The following MUC17 variants were observed in gnomAD, a reference collection of about 807,000 sequenced individuals.
The protein encoded by MUC17 is mucin 17, cell surface associated.
A neutral mutation model predicts 170.3 loss-of-function variants in MUC17; 190 were observed. The ratio of observed to expected loss-of-function variants is 1.12; its 90% CI spans 0.99 to 1.26. MUC17 has a LOEUF of 1.26. Among genes scored for constraint, MUC17 ranks in the 50% most tolerant of loss-of-function variants. The probability of loss-of-function intolerance (pLI) is 0.00; values close to 1 mark genes in which losing one functional copy is unlikely to be tolerated. For synonymous variants in MUC17, 2,325 were observed against 2,002.5 expected (o/e 1.16, Z -4.30); for missense variants, 6,415 against 5,530.0 (o/e 1.16, Z -5.08).
At chr7:101,052,063 G>A in intron 9 of MUC17, 101 bp downstream of exon 9, 1 of 1,390,236 alleles carries the variant, frequency 7.2e-7, no homozygotes, top group Non-Finnish European at 9.8e-7. Flanking sequence ...CAAGGTCATG[G>A]GACTAGGTCC....
intron 12 of MUC17, among the ~76,000 whole-genome samples, chr7:101,057,752 C>T (rs1795072915): frequency 6.6e-6 from 1 of 152,034 alleles, no homozygotes; most frequent in Non-Finnish European, 1.5e-5. Context: ...TGGTTGTGTG[C>T]ACATGTAGTC....
chr7:101,024,309 A>T (rs1005479980), intron 1 of MUC17, among the ~76,000 whole-genome samples: 4 of 151,974 alleles, frequency 2.6e-5, no homozygotes, highest in Non-Finnish European at 5.9e-5. Flanking sequence ...CTGAGACACG[A>T]CAATCACTTG....
chr7:101,027,427 C>T (rs1289468034), intron 1 of MUC17, among the ~76,000 whole-genome samples: 1 of 152,108 alleles, frequency 6.6e-6, no homozygotes, highest in African/African-American at 2.4e-5. Flanking sequence ...ACCACCATGC[C>T]TGGCCAATCT....
chr7:101,023,866 C>T (rs2116387621), intron 1 of MUC17, among the ~76,000 whole-genome samples: 1 of 152,272 alleles, frequency 6.6e-6, no homozygotes, highest in South Asian at 2.1e-4. Context: ...TCCCTTTTTA[C>T]CACATCCATG....
chr7:101,049,150 G>A (rs1193484767), intron 5 of MUC17, among the ~76,000 whole-genome samples, 174 bp from the exon 6 acceptor site: 1 of 152,156 alleles, frequency 6.6e-6, no homozygotes, highest in Non-Finnish European at 1.5e-5. Flanking sequence ...TTTTACCTGG[G>A]GGCTGCAGGA....
rs142483375 is a variant in MUC17 at position 101,039,409 on chromosome 7, A to G, written c.7993A>G (p.Thr2665Ala). ...TTPVDTRTLV[T>A]TSTGTSSSPT... is the part of the protein sequence containing the mutation. ...TCCTGTTGACACCAGGACACTTGTG[A>G]CCACTTCCACTGGAACCAGTTCATC... The change falls in exon 3 of 13, where the codon ACC becomes GCC. Residue 2665 changes from threonine to alanine, a missense_variant. Thr to Ala is a moderately conservative substitution (Grantham distance 58). Transcript: ENST00000306151. 5.6e-6 allele frequency: 9 copies of G among 1,611,750 alleles called. No homozygotes were observed. The highest frequency in any genetic ancestry group is 7.6e-6 in the Non-Finnish European group (9 of 1,179,264).
Position 101,039,763 on chromosome 7 carries a change from A to T in MUC17, c.8347A>T (p.Thr2783Ser). The T allele has an allele frequency of 6.2e-7, 1 of 1,610,124 alleles. No individual in the cohort carries two copies. Among genetic ancestry groups the T allele is most frequent in the Non-Finnish European group, 8.5e-7 (1 of 1,177,732 alleles). Residue 2783 changes from threonine to serine, a missense_variant, in exon 3 of 13, where the codon ACC becomes TCC. Transcript: ENST00000306151. ...TGCTGTTGACACCAGCATACCTGTC[A>T]CCACTTCTACTGAAGCCAGTTCCTC... ...TTAVDTSIPV[T>S]TSTEASSSPT...
In MUC17 at chr7:101,040,007, C is replaced by T. The variant is rs1314581149; in HGVS notation, c.8591C>T (p.Ala2864Val). The change falls in exon 3 of 13, where the codon GCT (alanine) becomes GTT (valine). Residue 2864 changes from alanine to valine, a missense_variant. Ala to Val is a moderately conservative substitution (Grantham distance 64). Transcript: ENST00000306151. ...AEGIVVPIST[A>V]SEGSTLLTSI... is the part of the protein sequence containing the mutation. ...GGTATCGTCGTGCCAATCTCAACTG[C>T]TAGTGAAGGAAGTACTCTATTAACA... 2 of 1,613,264 alleles carry T rather than the reference C, an allele frequency of 1.2e-6. No individual in the cohort carries two copies. Among genetic ancestry groups the T allele is most frequent in the Non-Finnish European group, 8.5e-7 (1 of 1,179,804 alleles).
intron 1 of MUC17, among the ~76,000 whole-genome samples, chr7:101,022,027 T>C (rs912132102): frequency 6.6e-6 from 1 of 152,156 alleles, no homozygotes; most frequent in Non-Finnish European, 1.5e-5. Context: ...ACACCCAGCA[T>C]GAGGGCCACC....
intron 7 of MUC17, among the ~76,000 whole-genome samples, chr7:101,051,153 G>A (rs530596585): frequency 1.3e-5 from 2 of 151,950 alleles, no homozygotes; most frequent in Non-Finnish European, 2.9e-5. Context: ...ATCACTTGAG[G>A]CCAGGAGTTC....
In MUC17 at chr7:101,037,503, A is replaced by C. The variant is rs773071492; in HGVS notation, c.6087A>C (p.Ala2029=). Reference sequence around the variant, plus strand: ...AAGGCAGTTCATCTCCTACAACTGCAGGAGGTACCAGCATACAAACCTCAA... The same window carrying C: ...AAGGCAGTTCATCTCCTACAACTGCCGGAGGTACCAGCATACAAACCTCAA... ...STEGSSSPTT[A]GGTSIQTSTP... is the part of the protein sequence containing the mutation. The change falls in exon 3 of 13, where the codon GCA becomes GCC. Residue 2029 remains alanine (A), a synonymous_variant. Coordinates refer to ENST00000306151, the MANE Select transcript of MUC17 (RefSeq NM_001040105.2). 1.1e-5 allele frequency: 17 copies of C among 1,612,240 alleles called. No individual in the cohort carries two copies. In the South Asian group the frequency reaches 1.8e-4, roughly 17 times the overall value.
rs572878912 is a variant in MUC17, at chr7:101,040,964, C to A, written c.9548C>A (p.Thr3183Asn). The change falls in exon 3 of 13, where the codon ACC becomes AAC. Residue 3183 changes from threonine (T) to asparagine (N), a missense_variant. Coordinates refer to ENST00000306151, the MANE Select transcript of MUC17 (RefSeq NM_001040105.2). ...TMLVVSSEDS[T>N]LSATPVDTST... is the part of the protein sequence containing the mutation. ...CTGGTAGTCAGTTCTGAGGATAGCACCCTTTCAGCAACTCCTGTTGACACC... is the reference window on the plus strand; with the variant it reads ...CTGGTAGTCAGTTCTGAGGATAGCAACCTTTCAGCAACTCCTGTTGACACC... The A allele has an allele frequency of 1.9e-6, 3 of 1,613,164 alleles. No individual in the cohort carries two copies. Among genetic ancestry groups the A allele is most frequent in the African/African-American group, 1.3e-5 (1 of 74,688 alleles).
At chr7:101,044,793 AC>A (rs1210667118) in intron 3 of MUC17, among the ~76,000 whole-genome samples, 1 of 151,948 alleles carries the variant, frequency 6.6e-6, no homozygotes, top group East Asian at 1.9e-4. Context: ...TAAAGTACGA[AC>A]TTTTTTTTTG....
chr7:101,033,321 T>G lies in MUC17; in HGVS notation c.1905T>G (p.Ser635=), dbSNP rs1004194044. 11 of 1,613,880 alleles carry G rather than the reference T, an allele frequency of 6.8e-6. No individual in the cohort carries two copies. The highest frequency in any genetic ancestry group is 9.3e-6 in the Non-Finnish European group (11 of 1,179,790). Residue 635 remains serine (S), a synonymous_variant, in exon 3 of 13, where the codon TCT becomes TCG. Transcript: ENST00000306151. ...GAGGCACTACAATAACAAGTATGTC[T>G]GTCAGCACCACACTGGTGGCCAGTT... ...SERGTTITSM[S]VSTTLVASSE...
rs530045423 is a variant in MUC17 at position 101,033,338 on chromosome 7, T to G, written c.1922T>G (p.Val641Gly). The G allele has an allele frequency of 5.0e-5, 80 of 1,613,908 alleles. No individual in the cohort carries two copies. In the South Asian group the frequency reaches 7.9e-4, roughly 16 times the overall value. Residue 641 changes from valine (V) to glycine (G), a missense_variant, in exon 3 of 13, where the codon GTG becomes GGG. By Grantham distance (109) the Val-to-Gly change is moderately radical. Transcript: ENST00000306151. ...AGTATGTCTGTCAGCACCACACTGG[T>G]GGCCAGTTCTGAGGCTAGCACCCTT... Reference protein sequence around the residue: ...ITSMSVSTTLVASSEASTLST... With the variant: ...ITSMSVSTTLGASSEASTLST...
At chr7:101,053,285 C>T (rs927324134) in intron 10 of MUC17, 54 bp from the exon 11 acceptor site, 11 of 1,588,782 alleles carry the variant, frequency 6.9e-6, no homozygotes, top group Admixed American at 1.7e-5. Context: ...TGTCCCTGGT[C>T]CTTATTCCTG....
At position 101,058,147 on chromosome 7, in the gene MUC17, T is replaced by C. The variant is rs1795081669; in HGVS notation, c.*103T>C. 2 of 1,060,920 alleles carry C rather than the reference T, an allele frequency of 1.9e-6. No individual in the cohort carries two copies. Among genetic ancestry groups the C allele is most frequent in the Non-Finnish European group, 2.9e-6 (2 of 685,520 alleles). 65.7% of individuals were successfully genotyped at this position (1,060,920 alleles called of 1,614,324 possible). On this transcript the variant is annotated 3_prime_UTR_variant, in exon 13 of 13. Transcript: ENST00000306151. ...CTTCCATGGGAACTCAATGTTCCCA[T>C]TGTAAGTACAGGAAACAAGCCCTGT...
chr7:101,055,047 G>A (rs1334216577), intron 11 of MUC17, among the ~76,000 whole-genome samples: 1 of 151,898 alleles, frequency 6.6e-6, no homozygotes, highest in Non-Finnish European at 1.5e-5. Flanking sequence ...AGTGGAGGCT[G>A]CAGTGAGCTG....
intron 3 of MUC17, among the ~76,000 whole-genome samples, chr7:101,046,046 G>A: frequency 6.6e-6 from 1 of 152,220 alleles, no homozygotes; most frequent in Admixed American, 6.5e-5. Context: ...CTCAGGTCTG[G>A]ACGTCTTCAG....
Sources: allele counts gnomAD v4.1 joint callset (sites outside exome capture counted in the v4.1 genomes callset), GRCh38; gene constraint gnomAD v4.1.1; transcripts MANE v1.5; gene names NCBI Gene and HGNC (gene_info 2026-07-23, HGNC 2026-07-21).